CAMKMT: variants seen among roughly 807,000 people sequenced by gnomAD.
CAMKMT encodes the protein CaM KMT.
A neutral mutation model predicts 48.0 loss-of-function variants in CAMKMT; 53 were observed. That is an observed-to-expected ratio of 1.10 (90% CI 0.89 to 1.39). The LOEUF is 1.39. Among genes scored for constraint, CAMKMT ranks in the 40% most tolerant of loss-of-function variants. The pLI is 0.00. For synonymous variants in CAMKMT, 165 were observed against 152.3 expected, an observed-to-expected ratio of 1.08 and a Z score of -0.61; for missense variants, 428 against 402.7, an observed-to-expected ratio of 1.06 and a Z score of -0.54.
At chr2:44,757,261 C>T (rs1218229428) in intron 9 of CAMKMT, among the ~76,000 whole-genome samples, 4 of 152,164 alleles carry the variant, frequency 2.6e-5, no homozygotes, top group South Asian at 2.1e-4. Flanking sequence ...GGCTCTGGAA[C>T]CGCCTCTTGC....
intron 3 of CAMKMT, among the ~76,000 whole-genome samples, chr2:44,642,544 C>T (rs1488905572): frequency 1.3e-5 from 2 of 152,196 alleles, no homozygotes; most frequent in Non-Finnish European, 2.9e-5. Context: ...GACTGGTTGT[C>T]AGGAAGCATT....
In CAMKMT at chr2:44,519,050, T is replaced by C. The variant is rs932765033; in HGVS notation, c.376+128745T>C. 9.2e-5 allele frequency among the ~76,000 whole-genome samples: 14 copies of C among 152,240 alleles called. 1 individual carries two copies. Among genetic ancestry groups the C allele is most frequent in the South Asian group, 2.1e-4 (1 of 4,834 alleles). On this transcript the variant is annotated intron_variant, in intron 3 of 10. Transcript: ENST00000378494. ...TACTAACCTGCTTTTAGACCAAATGTAATGAAAGTGATACGGAACTGATTT... is the reference window on the plus strand; with the variant it reads ...TACTAACCTGCTTTTAGACCAAATGCAATGAAAGTGATACGGAACTGATTT...
intron 3 of CAMKMT, among the ~76,000 whole-genome samples, chr2:44,475,443 G>A (rs992489278): frequency 1.3e-5 from 2 of 151,714 alleles, no homozygotes; most frequent in Non-Finnish European, 2.9e-5. Context: ...TCAGCTTCCT[G>A]AGTAGCTAGG....
At chr2:44,742,057 C>G (rs1481065225) in intron 7 of CAMKMT, among the ~76,000 whole-genome samples, 1 of 151,838 alleles carries the variant, frequency 6.6e-6, no homozygotes, top group East Asian at 1.9e-4. Flanking sequence ...ATACTTTAAA[C>G]CATCTTGCTC....
At chr2:44,407,102 G>C (rs961972345) in intron 3 of CAMKMT, among the ~76,000 whole-genome samples, 1 of 152,174 alleles carries the variant, frequency 6.6e-6, no homozygotes. Context: ...GTCAATTTAG[G>C]CAGTAGTGAA....
At chr2:44,535,941 C>A (rs1316714029) in intron 3 of CAMKMT, among the ~76,000 whole-genome samples, 1 of 151,832 alleles carries the variant, frequency 6.6e-6, no homozygotes, top group Non-Finnish European at 1.5e-5. Flanking sequence ...TCTTTGCAGA[C>A]AAAAATAATT....
chr2:44,430,831 A>C (rs1684605660), intron 3 of CAMKMT, among the ~76,000 whole-genome samples: 1 of 152,194 alleles, frequency 6.6e-6, no homozygotes, highest in Admixed American at 6.5e-5. Context: ...ATCCAGAAGC[A>C]AGGAATTAAG....
intron 3 of CAMKMT, among the ~76,000 whole-genome samples, chr2:44,603,698 G>A (rs1042820470): frequency 6.6e-6 from 1 of 152,086 alleles, no homozygotes; most frequent in Admixed American, 6.6e-5. Flanking sequence ...TTAATAAAAA[G>A]GTATACATAC....
At chr2:44,504,777 A>G (rs1355057943) in intron 3 of CAMKMT, among the ~76,000 whole-genome samples, 1 of 152,146 alleles carries the variant, frequency 6.6e-6, no homozygotes, top group Non-Finnish European at 1.5e-5. Context: ...TTTGTGAAAT[A>G]CCTGTTCAGT....
chr2:44,572,845 T>TTCA (rs1668991935), intron 3 of CAMKMT, among the ~76,000 whole-genome samples: 1 of 152,228 alleles, frequency 6.6e-6, no homozygotes, highest in South Asian at 2.1e-4. Context: ...TTTCATTATT[T>TTCA]TTAGGAACCA....
At chr2:44,627,941 C>T (rs1195282863) in intron 3 of CAMKMT, among the ~76,000 whole-genome samples, 1 of 151,834 alleles carries the variant, frequency 6.6e-6, no homozygotes, top group Non-Finnish European at 1.5e-5. Context: ...CTCAGGTGAT[C>T]CACCCACCTT....
chr2:44,406,137 C>T (rs567366665), intron 3 of CAMKMT, among the ~76,000 whole-genome samples: 1 of 152,260 alleles, frequency 6.6e-6, no homozygotes, highest in Admixed American at 6.5e-5. Context: ...AGATACTAAG[C>T]AGGTAATAGA....
intron 2 of CAMKMT, among the ~76,000 whole-genome samples, chr2:44,380,385 C>T (rs528318204): frequency 4.6e-5 from 7 of 152,236 alleles, no homozygotes; most frequent in Non-Finnish European, 1.0e-4. Flanking sequence ...ACATTAATTA[C>T]AAGTATAATG....
chr2:44,397,785 G>C (rs1681994011), intron 3 of CAMKMT, among the ~76,000 whole-genome samples: 1 of 152,148 alleles, frequency 6.6e-6, no homozygotes, highest in Non-Finnish European at 1.5e-5. Flanking sequence ...AGAAACCACA[G>C]AATTGGAATG....
chr2:44,680,631 T>C (rs750685974), intron 3 of CAMKMT, among the ~76,000 whole-genome samples: 1 of 152,088 alleles, frequency 6.6e-6, no homozygotes, highest in Non-Finnish European at 1.5e-5. Flanking sequence ...TCACAACCAT[T>C]TTCACATGAT....
At chr2:44,374,234 C>A (rs1033065344) in intron 2 of CAMKMT, among the ~76,000 whole-genome samples, 2 of 151,818 alleles carry the variant, frequency 1.3e-5, no homozygotes, top group Non-Finnish European at 2.9e-5. Flanking sequence ...ATTAGGATAC[C>A]CCAACTGCTT....
chr2:44,716,040 G>C (rs962901858), intron 7 of CAMKMT, among the ~76,000 whole-genome samples: 1 of 152,138 alleles, frequency 6.6e-6, no homozygotes, highest in African/African-American at 2.4e-5. Context: ...TTTTTGCCCT[G>C]TTGGTAATGG....
rs1193363097 is a variant in CAMKMT, at chr2:44,527,739, C to T, written c.376+137434C>T. 4.1e-5 allele frequency among the ~76,000 whole-genome samples: 6 copies of T among 147,296 alleles called. No homozygotes were observed. In the Admixed American group the frequency reaches 4.2e-4, roughly 10 times the overall value. On this transcript the variant is annotated intron_variant, in intron 3 of 10. Coordinates refer to ENST00000378494, the MANE Select transcript of CAMKMT (RefSeq NM_024766.5). ...GTTAGGTTCACAGGAAAATTAAACA[C>T]AAAGTACAGAGCATCCTCATGACCC... is the stretch of plus-strand genomic sequence containing the variant.
chr2:44,720,625 T>A (rs997276013), intron 7 of CAMKMT, among the ~76,000 whole-genome samples: 1 of 152,214 alleles, frequency 6.6e-6, no homozygotes, highest in Non-Finnish European at 1.5e-5. Flanking sequence ...TTGTTTTCAA[T>A]ATTTTGTTAT....
Sources: gnomAD v4.1 joint callset for allele counts (sites outside exome capture counted in the v4.1 genomes callset) on GRCh38, gnomAD v4.1.1 for gene constraint, MANE v1.5 for transcripts, NCBI Gene and HGNC (gene_info 2026-07-23, HGNC 2026-07-21) for gene names.